The following TSFM variants were observed in gnomAD, a reference collection of about 807,000 sequenced individuals.
TSFM encodes Ts translation elongation factor, mitochondrial, also known as elongation factor Ts, mitochondrial.
Under a neutral mutation model 33.4 loss-of-function variants are expected in TSFM, and 29 were observed. The ratio of observed to expected loss-of-function variants is 0.87; its 90% CI spans 0.65 to 1.18. The LOEUF is 1.18. Among genes scored for constraint, TSFM ranks in the 50% most tolerant of loss-of-function variants. The pLI, the probability that TSFM is intolerant of heterozygous loss-of-function variation, is 0.00. For missense variants in TSFM, 394 were observed against 395.6 expected (o/e 1.00, Z 0.04); for synonymous variants, 178 against 163.5 (o/e 1.09, Z -0.68).
At chr12:57,790,466 C>A (rs1203970716) in intron 4 of TSFM, among the ~76,000 whole-genome samples, 1 of 152,186 alleles carries the variant, frequency 6.6e-6, no homozygotes, top group African/African-American at 2.4e-5. Flanking sequence ...TTTTTCATAG[C>A]AACTTCAATA....
chr12:57,783,744 C>T (rs937289957), intron 2 of TSFM: 2 of 574,030 alleles, frequency 3.5e-6, no homozygotes, highest in East Asian at 3.2e-5. Flanking sequence ...CAGGCGTGCG[C>T]CACGACACCC....
chr12:57,784,005 G>C (rs1343665863), intron 2 of TSFM: 2 of 702,808 alleles, frequency 2.8e-6, no homozygotes, highest in African/African-American at 1.7e-5. Context: ...CTGAGAAATG[G>C]CGTCGTTAGG....
intron 2 of TSFM, among the ~76,000 whole-genome samples, chr12:57,784,493 TAA>T (rs910417889): frequency 6.6e-6 from 1 of 152,266 alleles, no homozygotes; most frequent in Non-Finnish European, 1.5e-5. Flanking sequence ...GACTCTTTTG[TAA>T]TAACAGCATA....
At chr12:57,785,220 C>A (rs1955575403) in intron 2 of TSFM, among the ~76,000 whole-genome samples, 1 of 152,172 alleles carries the variant, frequency 6.6e-6, no homozygotes, top group Non-Finnish European at 1.5e-5. Flanking sequence ...GCCACAGCGC[C>A]TGGCCAAAAC....
chr12:57,784,235 A>G, intron 2 of TSFM: 1 of 666,020 alleles, frequency 1.5e-6, no homozygotes, highest in Non-Finnish European at 2.7e-6. Context: ...AAAAAACGAT[A>G]CATCTCCATA....
intron 4 of TSFM, 70 bp from the exon 5 acceptor site, chr12:57,792,916 T>C (rs1955682410): frequency 6.8e-7 from 1 of 1,474,958 alleles, no homozygotes. Context: ...AGATAGACTA[T>C]TTTTGCCTAT....
intron 4 of TSFM, among the ~76,000 whole-genome samples, chr12:57,789,843 G>C (rs1955639343): frequency 6.6e-6 from 1 of 152,174 alleles, no homozygotes; most frequent in East Asian, 1.9e-4. Flanking sequence ...ATCAATGCAA[G>C]CTGACTGTAA....
chr12:57,802,186 G>A, downstream of TSFM: 1 of 1,613,964 alleles, frequency 6.2e-7, no homozygotes, highest in Non-Finnish European at 8.5e-7. Flanking sequence ...TCCCAGGCTA[G>A]GAACCAGCCT....
rs752312466 is a variant in TSFM at position 57,792,975 on chromosome 12, C to T, written c.484-11C>T. The T allele has an allele frequency of 4.7e-5, 75 of 1,612,260 alleles. No homozygotes were observed. The highest frequency in any genetic ancestry group is 5.5e-5 in the South Asian group (5 of 91,064). ...AGAATCAGTTCATGTTTGTTTTCTT[C>T]GTGCACTTAGGGTTTCTTGAATTCC... On this transcript the variant is annotated splice_polypyrimidine_tract_variant and intron_variant, in intron 4 of 5. Transcript: ENST00000652027.
downstream of TSFM, among the ~76,000 whole-genome samples, chr12:57,801,748 GA>G (rs1178752883): frequency 2.7e-5 from 4 of 147,252 alleles, no homozygotes; most frequent in East Asian, 2.0e-4. Flanking sequence ...CTCAAAAAAA[GA>G]AAAAAAAAAG....
Position 57,796,592 on chromosome 12 carries a change from G to T in TSFM, c.*9G>T. ...CAGCAGAAACTGAATAGGTTCCAGA[G>T]ACTTTTGGCCCAGGAGGAATATTTA... is the stretch of plus-strand genomic sequence containing the variant. On this transcript the variant is annotated 3_prime_UTR_variant, in exon 6 of 6. Transcript: ENST00000652027. 7.2e-7 allele frequency: 1 copy of T among 1,383,580 alleles called. No homozygotes were observed. Among genetic ancestry groups the T allele is most frequent in the Non-Finnish European group, 9.4e-7 (1 of 1,060,748 alleles). The allele number at this position is 1,383,580 out of a possible 1,614,324, so 85.7% of individuals were successfully genotyped here. A position where few individuals can be genotyped will look rare whatever the true frequency, so the allele number is the denominator to read the frequency against.
chr12:57,790,747 C>T (rs1955651548), intron 4 of TSFM, among the ~76,000 whole-genome samples: 1 of 151,012 alleles, frequency 6.6e-6, no homozygotes, highest in South Asian at 2.1e-4. Flanking sequence ...TATTTTCACC[C>T]CAAGTATGTG....
At chr12:57,801,337 G>A, downstream of TSFM, 1 of 735,558 alleles carries the variant, frequency 1.4e-6, no homozygotes, top group South Asian at 1.8e-5. Context: ...TCAAGGATAA[G>A]TAAAAATGAA....
downstream of TSFM, chr12:57,798,144 A>G (rs1220502718): frequency 3.8e-6 from 2 of 531,680 alleles, no homozygotes; most frequent in Non-Finnish European, 6.4e-6. Flanking sequence ...TAAAGATTTA[A>G]ATTATTCATT....
At chr12:57,783,349 G>A (rs1955540220) in intron 2 of TSFM, 66 bp downstream of exon 2, 7 of 1,589,386 alleles carry the variant, frequency 4.4e-6, no homozygotes, top group Non-Finnish European at 5.2e-6. Context: ...GGGCGGTCAC[G>A]CTGGGGAGCA....
intron 4 of TSFM, among the ~76,000 whole-genome samples, chr12:57,791,008 ATTTT>A (rs761448648): frequency 3.0e-5 from 4 of 132,146 alleles, no homozygotes; most frequent in African/African-American, 1.1e-4. Context: ...ACTGGGCCAG[ATTTT>A]TTTTTTTTTT....
chr12:57,783,204 T>G lies in TSFM; in HGVS notation c.152T>G (p.Met51Arg), dbSNP rs761274917. 6.2e-7 allele frequency: 1 copy of G among 1,613,776 alleles called. No individual in the cohort carries two copies. The highest frequency in any genetic ancestry group is 8.5e-7 in the Non-Finnish European group (1 of 1,179,888). The change falls in exon 2 of 6, where the codon ATG (methionine) becomes AGG (arginine). Residue 51 changes from methionine (M) to arginine (R), a missense_variant. This residue lies in a region of TSFM where 208 missense variants were observed against 180.4 expected (regional missense o/e 1.15). Coordinates refer to ENST00000652027, the MANE Select transcript of TSFM (RefSeq NM_005726.6). The stretch of plus-strand genomic sequence containing the variant: ...TCGGCCTCCAGCAAGGAGCTCCTCA[T>G]GAAGCTGCGGCGGAAAACAGGCTAC... The part of the protein sequence containing the change: ...SASASSKELL[M>R]KLRRKTGYSF...
chr12:57,796,803 CGTG>C lies in TSFM; in HGVS notation c.*222_*224del. The stretch of plus-strand genomic sequence containing the variant: ...GTGGGCCTTATTGACGTGATAGTGT[CGTG>C]GAGAACAGGCATCAACAATACTGCT... On this transcript the variant is annotated 3_prime_UTR_variant, in exon 6 of 6. Transcript: ENST00000652027. 1 of 1,183,700 alleles carries C rather than the reference CGTG, an allele frequency of 8.4e-7. No homozygotes were observed. The highest frequency in any genetic ancestry group is 1.0e-6 in the Non-Finnish European group (1 of 958,822). 73.3% of individuals were successfully genotyped at this position (1,183,700 alleles called of 1,614,324 possible).
downstream of TSFM, chr12:57,800,696 T>A (rs775673663): frequency 6.5e-6 from 1 of 154,572 alleles, no homozygotes; most frequent in Non-Finnish European, 1.4e-5. Flanking sequence ...CAACTTCCGC[T>A]TCCTGGGTTC....
Sources: allele counts gnomAD v4.1 joint callset (sites outside exome capture counted in the v4.1 genomes callset), GRCh38; gene constraint gnomAD v4.1.1; regional missense constraint gnomAD v4.1.1; transcripts MANE v1.5; gene names NCBI Gene and HGNC (gene_info 2026-07-23, HGNC 2026-07-21).